The following RALYL variants were observed in gnomAD, a reference collection of about 807,000 sequenced individuals.
RALYL encodes the protein RALY RNA binding protein like.
RALYL carries 29 observed loss-of-function variants against 35.1 expected under a neutral mutation model. The ratio of observed to expected loss-of-function variants is 0.83; its 90% CI spans 0.61 to 1.13. The LOEUF is 1.13. Among genes scored for constraint, RALYL ranks in the 50% most tolerant of loss-of-function variants. RALYL has a pLI of 0.00. For synonymous variants in RALYL, 120 were observed against 127.6 expected (o/e 0.94, Z 0.40); for missense variants, 359 against 360.4 (o/e 1.00, Z 0.03).
At chr8:84,833,024 C>A (rs1831224191) in intron 4 of RALYL, among the ~76,000 whole-genome samples, 1 of 152,162 alleles carries the variant, frequency 6.6e-6, no homozygotes, top group Non-Finnish European at 1.5e-5. Flanking sequence ...TCCTCTTCCA[C>A]TTGACAGGCT....
chr8:84,524,989 C>G (rs527398914), intron 1 of RALYL, among the ~76,000 whole-genome samples: 7 of 151,514 alleles, frequency 4.6e-5, no homozygotes, highest in Non-Finnish European at 1.0e-4. Flanking sequence ...AGGCAAGATC[C>G]CTGTTAGCCT....
At chr8:84,768,398 A>G (rs1294366399) in intron 2 of RALYL, among the ~76,000 whole-genome samples, 1 of 152,190 alleles carries the variant, frequency 6.6e-6, no homozygotes, top group Non-Finnish European at 1.5e-5. Flanking sequence ...TATGTTCACT[A>G]TGATTACCTG....
At position 84,522,248 on chromosome 8, in the gene RALYL, A is replaced by ATT. The variant is rs1218459049; in HGVS notation, c.-23-7051_-23-7050insTT. ...TTTATACACAAAATGATAGAAAGGA[A>ATT]ATTTTTTTTTTTTTTTTTTGAGATG... On this transcript the variant is annotated intron_variant, in intron 1 of 8. Coordinates refer to ENST00000521268, the MANE Select transcript of RALYL (RefSeq NM_173848.7). Among the ~76,000 whole-genome samples the ATT allele has an allele frequency of 9.4e-5, 11 of 117,178 alleles. No homozygotes were observed. In the East Asian group the frequency reaches 2.8e-3, roughly 30 times the overall value. 76.9% of individuals were successfully genotyped at this position (117,178 alleles called of 152,430 possible).
intron 2 of RALYL, among the ~76,000 whole-genome samples, chr8:84,624,365 G>T (rs1226994939): frequency 6.6e-6 from 1 of 152,114 alleles, no homozygotes; most frequent in African/African-American, 2.4e-5. Flanking sequence ...TAAGTTTTGT[G>T]TTCCTTTTTG....
intron 1 of RALYL, among the ~76,000 whole-genome samples, chr8:84,343,963 C>T (rs959248442): frequency 4.0e-5 from 6 of 151,650 alleles, no homozygotes; most frequent in African/African-American, 9.7e-5. Context: ...ATATGACCTG[C>T]GGTGATATAT....
intron 4 of RALYL, among the ~76,000 whole-genome samples, chr8:84,834,901 CAG>C (rs1351335122): frequency 6.6e-6 from 1 of 152,114 alleles, no homozygotes; most frequent in African/African-American, 2.4e-5. Flanking sequence ...CCTGCCTTTT[CAG>C]AGCTTATGAT....
chr8:84,691,425 A>T (rs142633679), intron 2 of RALYL, among the ~76,000 whole-genome samples: 1 of 152,172 alleles, frequency 6.6e-6, no homozygotes, highest in East Asian at 1.9e-4. Context: ...CTGGAAGAAA[A>T]TCTGTGCACT....
intron 1 of RALYL, among the ~76,000 whole-genome samples, chr8:84,194,070 C>T (rs1814632089): frequency 6.6e-6 from 1 of 152,136 alleles, no homozygotes; most frequent in Admixed American, 6.5e-5. Context: ...TCAGAAAAGA[C>T]TATTGTATTT....
chr8:84,547,803 C>A (rs1454047860), intron 2 of RALYL, among the ~76,000 whole-genome samples: 1 of 152,100 alleles, frequency 6.6e-6, no homozygotes, highest in African/African-American at 2.4e-5. Flanking sequence ...AAGTTGATAT[C>A]ATTTTTGAGA....
At chr8:84,727,418 C>G (rs1845175060) in intron 2 of RALYL, among the ~76,000 whole-genome samples, 1 of 152,070 alleles carries the variant, frequency 6.6e-6, no homozygotes, top group Non-Finnish European at 1.5e-5. Context: ...AAAAATCTTT[C>G]TTATTCCAGA....
At position 84,194,407 on chromosome 8, in the gene RALYL, A is replaced by C. The variant is rs1476238591; in HGVS notation, c.-24+9983A>C. Among the ~76,000 whole-genome samples the C allele has an allele frequency of 5.9e-5, 9 of 152,180 alleles. 1 individual carries two copies. In the Middle Eastern group the frequency reaches 0.01, roughly 173 times the overall value. On this transcript the variant is annotated intron_variant, in intron 1 of 8. Transcript: ENST00000521268. ...TCCTTTCTTTGGAACATTTTGAAGGAAGCTATAGATATGTAATGTGTTTGT... is the reference window on the plus strand; with the variant it reads ...TCCTTTCTTTGGAACATTTTGAAGGCAGCTATAGATATGTAATGTGTTTGT...
At chr8:84,505,003 T>G (rs1363415891) in intron 1 of RALYL, among the ~76,000 whole-genome samples, 1 of 152,114 alleles carries the variant, frequency 6.6e-6, no homozygotes, top group Non-Finnish European at 1.5e-5. Flanking sequence ...TAAGTGATGC[T>G]GTGTATGGGA....
chr8:84,299,458 G>A (rs1840366189), intron 1 of RALYL, among the ~76,000 whole-genome samples: 1 of 151,812 alleles, frequency 6.6e-6, no homozygotes, highest in Admixed American at 6.6e-5. Context: ...GCTTGTTTCG[G>A]TATCAGGATG....
At chr8:84,677,523 G>A (rs1369859043) in intron 2 of RALYL, among the ~76,000 whole-genome samples, 3 of 152,076 alleles carry the variant, frequency 2.0e-5, no homozygotes, top group Admixed American at 6.6e-5. Context: ...TGAACAAAAT[G>A]TGTTTTTCAG....
chr8:84,545,079 TC>T (rs1208989741), intron 2 of RALYL, among the ~76,000 whole-genome samples: 1 of 152,112 alleles, frequency 6.6e-6, no homozygotes, highest in Non-Finnish European at 1.5e-5. Context: ...AGTTTATGTC[TC>T]TTATCCATGT....
intron 2 of RALYL, among the ~76,000 whole-genome samples, chr8:84,610,392 T>A: frequency 6.6e-6 from 1 of 151,890 alleles, no homozygotes; most frequent in Non-Finnish European, 1.5e-5. Context: ...GCAGATAGAG[T>A]TTTTTGGAAG....
At chr8:84,715,534 G>GA (rs1261344633) in intron 2 of RALYL, among the ~76,000 whole-genome samples, 2 of 151,810 alleles carry the variant, frequency 1.3e-5, no homozygotes, top group Non-Finnish European at 3.0e-5. Context: ...TATAGAAACA[G>GA]AAAAAATATC....
Position 84,818,751 on chromosome 8 carries a change from A to C in RALYL, c.365+13949A>C, listed in dbSNP as rs138109757. Among the ~76,000 whole-genome samples the C allele has an allele frequency of 3.3e-3, 500 of 152,350 alleles. 6 individuals are homozygous for C. Among genetic ancestry groups the C allele is most frequent in the African/African-American group, 0.012 (483 of 41,590 alleles). ...AGTGAGCCACTTATAAAGCAGTTGC[A>C]GAAGTTCAGGCATGACTTGAAAAGA... On this transcript the variant is annotated intron_variant, in intron 4 of 8. Transcript: ENST00000521268.
chr8:84,296,005 T>G (rs1223617854), intron 1 of RALYL, among the ~76,000 whole-genome samples: 3 of 152,098 alleles, frequency 2.0e-5, no homozygotes, highest in Non-Finnish European at 4.4e-5. Flanking sequence ...TAGTATAATG[T>G]AGTAGCTTGG....
Sources: allele counts gnomAD v4.1 joint callset (sites outside exome capture counted in the v4.1 genomes callset), GRCh38; gene constraint gnomAD v4.1.1; transcripts MANE v1.5; gene names NCBI Gene and HGNC (gene_info 2026-07-23, HGNC 2026-07-21).